TIAM1: variants seen among roughly 807,000 people sequenced by gnomAD.
TIAM1 encodes the protein rho guanine nucleotide exchange factor TIAM1.
Under a neutral mutation model 163.5 loss-of-function variants are expected in TIAM1, and 65 were observed. The observed-to-expected ratio is 0.40, with a 90% CI of 0.33 to 0.49. TIAM1 has a LOEUF of 0.49. TIAM1 is among the 20% of genes least tolerant of loss of function. TIAM1 has a pLI of 0.77. For missense variants in TIAM1, 1,789 were observed against 2,044.7 expected (o/e 0.87, Z 2.41); for synonymous variants, 833 against 810.1 (o/e 1.03, Z -0.48).
At chr21:31,150,537 CA>C (rs1244215589) in intron 19 of TIAM1, among the ~76,000 whole-genome samples, 1 of 152,162 alleles carries the variant, frequency 6.6e-6, no homozygotes, top group Non-Finnish European at 1.5e-5. Flanking sequence ...CATACACACA[CA>C]AATTAACTTT....
intron 2 of TIAM1, among the ~76,000 whole-genome samples, chr21:31,355,573 A>G (rs1381064573): frequency 1.5e-5 from 2 of 130,994 alleles, no homozygotes; most frequent in African/African-American, 2.8e-5. Flanking sequence ...ATTTATTGAG[A>G]AAGAGTCTCG....
At chr21:31,530,119 T>G (rs924921759) in intron 1 of TIAM1, among the ~76,000 whole-genome samples, 2 of 152,178 alleles carry the variant, frequency 1.3e-5, no homozygotes, top group Non-Finnish European at 2.9e-5. Context: ...ATTCTCCCAG[T>G]TCCAGGCTAC....
At chr21:31,405,054 C>T (rs370678757) in intron 2 of TIAM1, among the ~76,000 whole-genome samples, 28 of 149,796 alleles carry the variant, frequency 1.9e-4, no homozygotes, top group South Asian at 1.7e-3. Context: ...CCAACCTGGG[C>T]GAGAGAGTGA....
At chr21:31,547,103 T>C (rs1196726342) in intron 1 of TIAM1, among the ~76,000 whole-genome samples, 1 of 152,206 alleles carries the variant, frequency 6.6e-6, no homozygotes, top group African/African-American at 2.4e-5. Flanking sequence ...TGAGAAGACA[T>C]GGATCACTAC....
chr21:31,524,588 C>T (rs907599312), intron 1 of TIAM1, among the ~76,000 whole-genome samples: 4 of 152,114 alleles, frequency 2.6e-5, no homozygotes, highest in Admixed American at 1.3e-4. Flanking sequence ...ATCCTGAGAG[C>T]TTTGAAATAG....
chr21:31,301,506 C>A (rs2074497847), intron 2 of TIAM1, among the ~76,000 whole-genome samples: 1 of 152,096 alleles, frequency 6.6e-6, no homozygotes, highest in Non-Finnish European at 1.5e-5. Context: ...TCCATGCTAT[C>A]TAGGTGGGAT....
At chr21:31,273,820 C>T (rs1332495979) in intron 3 of TIAM1, among the ~76,000 whole-genome samples, 2 of 152,228 alleles carry the variant, frequency 1.3e-5, no homozygotes, top group Non-Finnish European at 2.9e-5. Context: ...GCAACTATTA[C>T]AAGTGTGCTT....
At chr21:31,166,210 A>G (rs1308067242) in intron 15 of TIAM1, among the ~76,000 whole-genome samples, 1 of 152,200 alleles carries the variant, frequency 6.6e-6, no homozygotes, top group Non-Finnish European at 1.5e-5. Flanking sequence ...AGAACATTAA[A>G]AACCTTCTCT....
intron 2 of TIAM1, among the ~76,000 whole-genome samples, chr21:31,453,876 A>G (rs1285216721): frequency 1.3e-5 from 2 of 152,092 alleles, no homozygotes; most frequent in African/African-American, 2.4e-5. Context: ...TGAACCTTCT[A>G]TACGCTCCTT....
At chr21:31,281,742 T>C (rs1246107938) in intron 2 of TIAM1, among the ~76,000 whole-genome samples, 1 of 151,768 alleles carries the variant, frequency 6.6e-6, no homozygotes, top group African/African-American at 2.4e-5. Context: ...AATAGATATA[T>C]GGATGAATGG....
chr21:31,391,486 G>T (rs193167707), intron 2 of TIAM1, among the ~76,000 whole-genome samples: 121 of 152,196 alleles, frequency 8.0e-4, no homozygotes, highest in African/African-American at 2.7e-3. Context: ...TTAGCTGGGC[G>T]TGGTGGCAGG....
intron 2 of TIAM1, among the ~76,000 whole-genome samples, chr21:31,277,684 C>T (rs937037964): frequency 2.0e-5 from 3 of 152,194 alleles, no homozygotes; most frequent in Admixed American, 6.5e-5. Flanking sequence ...AATGGGCAAC[C>T]AGCAACCCTC....
At chr21:31,492,776 TACACACACACACACAC>T (rs3055373) in intron 1 of TIAM1, among the ~76,000 whole-genome samples, 1,488 of 139,742 alleles carry the variant, frequency 0.011, 21 homozygotes, top group African/African-American at 0.029. Context: ...TATTTTGGGT[TACACACACACACACAC>T]ACACACACAC....
intron 11 of TIAM1, among the ~76,000 whole-genome samples, chr21:31,203,632 A>G (rs1298361437): frequency 6.6e-6 from 1 of 152,194 alleles, no homozygotes; most frequent in African/African-American, 2.4e-5. Context: ...AATTTTCAAC[A>G]CAACACAGCA....
chr21:31,431,556 T>G (rs1354232837), intron 2 of TIAM1, among the ~76,000 whole-genome samples: 1 of 152,214 alleles, frequency 6.6e-6, no homozygotes, highest in Non-Finnish European at 1.5e-5. Context: ...ACTGCAAGAT[T>G]GGTCAGAAAT....
intron 2 of TIAM1, among the ~76,000 whole-genome samples, chr21:31,425,400 G>A (rs2043747412): frequency 6.6e-6 from 1 of 152,116 alleles, no homozygotes. Context: ...ACGCAGCCCT[G>A]CCAAGAGGTA....
intron 1 of TIAM1, among the ~76,000 whole-genome samples, chr21:31,505,511 A>G (rs924658548): frequency 3.3e-5 from 5 of 152,246 alleles, no homozygotes; most frequent in Admixed American, 2.6e-4. Flanking sequence ...TTGACCAAAA[A>G]GATGACTAAG....
chr21:31,387,083 C>G (rs1302301805), intron 2 of TIAM1, among the ~76,000 whole-genome samples: 2 of 152,048 alleles, frequency 1.3e-5, no homozygotes, highest in African/African-American at 4.8e-5. Context: ...CCACCCTGGG[C>G]CCCCCAGGTG....
intron 2 of TIAM1, among the ~76,000 whole-genome samples, chr21:31,378,248 C>T (rs1352240624): frequency 6.6e-6 from 1 of 151,938 alleles, no homozygotes; most frequent in Non-Finnish European, 1.5e-5. Context: ...CTGGGGGCCT[C>T]ACCATCCAGC....
Sources: allele counts gnomAD v4.1 joint callset (sites outside exome capture counted in the v4.1 genomes callset), GRCh38; gene constraint gnomAD v4.1.1; transcripts MANE v1.5; gene names NCBI Gene and HGNC (gene_info 2026-07-23, HGNC 2026-07-21).